Variants in GALNT11 observed in about 807,000 individuals in gnomAD.
GALNT11 encodes polypeptide N-acetylgalactosaminyltransferase 11.
A neutral mutation model predicts 72.7 loss-of-function variants in GALNT11; 47 were observed. The observed-to-expected ratio is 0.65, with a 90% CI of 0.51 to 0.82. The LOEUF (loss-of-function observed/expected upper bound fraction) is 0.82. GALNT11 is among the 40% of genes least tolerant of loss of function. GALNT11 has a pLI of 0.00. For missense variants in GALNT11, 677 were observed against 778.4 expected, an observed-to-expected ratio of 0.87 and a Z score of 1.55; for synonymous variants, 270 against 286.6, an observed-to-expected ratio of 0.94 and a Z score of 0.58.
intron 10 of GALNT11, chr7:152,119,623 C>T (rs2089235730): frequency 6.6e-6 from 1 of 152,128 alleles, no homozygotes; most frequent in Admixed American, 6.5e-5. Flanking sequence ...GCCTGTAATC[C>T]CAGCACTTTG....
At chr7:152,103,573 G>A in intron 4 of GALNT11, 1 of 298,826 alleles carries the variant, frequency 3.3e-6, no homozygotes, top group South Asian at 4.7e-5. Context: ...GACGGCCTAT[G>A]TACCTTTATC....
At position 152,084,380 on chromosome 7, in the gene GALNT11, TAAAA is replaced by T. The variant is rs11447244; in HGVS notation, c.-38-9789_-38-9786del. Among the ~76,000 whole-genome samples the T allele has an allele frequency of 5.7e-5, 6 of 105,338 alleles. No individual in the cohort carries two copies. The South Asian group carries it at 1.4e-3, about 25-fold the overall frequency. The allele number at this position is 105,338 out of a possible 152,430, so 69.1% of individuals were successfully genotyped here. ...GCAACAGAGGGAGACCCTGTCTCTT[TAAAA>T]AAAAAAAAAAAAAAAAAAAACTTTT... On this transcript the variant is annotated intron_variant, in intron 1 of 11. Coordinates refer to ENST00000430044, the MANE Select transcript of GALNT11 (RefSeq NM_022087.4).
chr7:152,050,826 G>C (rs1476900793), intron 1 of GALNT11, among the ~76,000 whole-genome samples: 1 of 152,208 alleles, frequency 6.6e-6, no homozygotes, highest in Non-Finnish European at 1.5e-5. Context: ...ATTCCCCTCT[G>C]GCTACAGCTC....
intron 1 of GALNT11, among the ~76,000 whole-genome samples, chr7:152,080,799 T>TAA (rs1227002384): frequency 2.6e-4 from 36 of 139,602 alleles, no homozygotes; most frequent in African/African-American, 8.9e-4. Context: ...CCATCTCTAA[T>TAA]AAAAAAAAAA....
Position 152,058,353 on chromosome 7 carries a change from T to G in GALNT11, c.-39+32469T>G, listed in dbSNP as rs188945140. On this transcript the variant is annotated intron_variant, in intron 1 of 11. Transcript: ENST00000430044. ...TCTTTTTGTTTTGTTTTGTTTTGTT[T>G]TGTTTTTTTGAGATGGAGTCTTGCT... Among the ~76,000 whole-genome samples the G allele has an allele frequency of 3.0e-4, 46 of 152,242 alleles. 1 individual carries two copies. Among genetic ancestry groups the G allele is most frequent in the East Asian group, 1.4e-3 (7 of 5,178 alleles).
At chr7:152,104,599 T>C (rs1276095422) in intron 4 of GALNT11, 2 of 152,234 alleles carry the variant, frequency 1.3e-5, no homozygotes, top group Non-Finnish European at 2.9e-5. Context: ...GTGGCTATTT[T>C]ACCTAAAAGG....
At chr7:152,035,658 G>A (rs754106824) in intron 1 of GALNT11, among the ~76,000 whole-genome samples, 19 of 152,196 alleles carry the variant, frequency 1.2e-4, no homozygotes, top group South Asian at 6.2e-4. Flanking sequence ...GCCCTATCCC[G>A]GAAAGCCTGA....
chr7:152,027,159 G>A (rs2082060271), intron 1 of GALNT11, among the ~76,000 whole-genome samples: 1 of 152,170 alleles, frequency 6.6e-6, no homozygotes, highest in Non-Finnish European at 1.5e-5. Flanking sequence ...TGAGGCAGGA[G>A]AATGGCGTGA....
intron 1 of GALNT11, among the ~76,000 whole-genome samples, chr7:152,078,770 A>G (rs1411256800): frequency 6.6e-6 from 1 of 152,194 alleles, no homozygotes; most frequent in Non-Finnish European, 1.5e-5. Flanking sequence ...TTACAAAATA[A>G]TTTATGTGCT....
intron 1 of GALNT11, among the ~76,000 whole-genome samples, chr7:152,091,491 C>T (rs577066427): frequency 3.9e-5 from 6 of 152,230 alleles, no homozygotes; most frequent in African/African-American, 7.2e-5. Context: ...CCGCCCACCT[C>T]GGCTTCCCAA....
intron 1 of GALNT11, among the ~76,000 whole-genome samples, chr7:152,074,086 A>G (rs544870355): frequency 6.6e-6 from 1 of 151,808 alleles, no homozygotes; most frequent in African/African-American, 2.4e-5. Flanking sequence ...CTCCCATTCT[A>G]TAGGTTGTCT....
intron 8 of GALNT11, among the ~76,000 whole-genome samples, chr7:152,114,872 C>A (rs1471087132): frequency 6.6e-6 from 1 of 152,144 alleles, no homozygotes; most frequent in Non-Finnish European, 1.5e-5. Flanking sequence ...TTGTTGTGCA[C>A]CTCCTGTATG....
In GALNT11 at chr7:152,120,987, T is replaced by C. The variant is rs1296017418; in HGVS notation, c.1695+19T>C. The C allele has an allele frequency of 2.5e-6, 4 of 1,607,016 alleles. No homozygotes were observed. Among genetic ancestry groups the C allele is most frequent in the Non-Finnish European group, 3.4e-6 (4 of 1,177,516 alleles). On this transcript the variant is annotated intron_variant, in intron 11 of 11. Transcript: ENST00000430044. ...CTTTGGGGTGAGGAGTGCTCGGTGA[T>C]GTTGGGAGAATGCGCAGAGGCCCAC...
chr7:152,113,504 T>G (rs531848590), intron 8 of GALNT11, 106 bp downstream of exon 8: 335 of 1,342,764 alleles, frequency 2.5e-4, no homozygotes, highest in Non-Finnish European at 1.1e-4. Flanking sequence ...TTCTCTTGGT[T>G]AACCTTCACC....
At chr7:152,121,401 A>C in intron 11 of GALNT11, 145 bp from the exon 12 acceptor site, 1 of 865,034 alleles carries the variant, frequency 1.2e-6, no homozygotes, top group Non-Finnish European at 1.8e-6. Context: ...TGTGCTGCAG[A>C]TAACAAACAG....
chr7:152,092,531 G>A (rs1265878568), intron 1 of GALNT11, among the ~76,000 whole-genome samples: 1 of 152,040 alleles, frequency 6.6e-6, no homozygotes, highest in Non-Finnish European at 1.5e-5. Context: ...TTTTGTTTTG[G>A]TATGTTACTG....
chr7:152,031,195 C>T (rs1024252540), intron 1 of GALNT11, among the ~76,000 whole-genome samples: 1 of 152,202 alleles, frequency 6.6e-6, no homozygotes, highest in Admixed American at 6.5e-5. Flanking sequence ...ACGGTTACGT[C>T]ACTAACTATG....
chr7:152,106,164 G>A (rs117068662), intron 5 of GALNT11, among the ~76,000 whole-genome samples: 1 of 152,358 alleles, frequency 6.6e-6, no homozygotes, highest in East Asian at 1.9e-4. Context: ...TTAGGCATGT[G>A]ATATTGCAGG....
At chr7:152,120,218 T>C (rs2129080290) in intron 10 of GALNT11, 1 of 152,590 alleles carries the variant, frequency 6.6e-6, no homozygotes. Context: ...CAGCTCCCTA[T>C]GACTCTGATT....
Sources: gnomAD v4.1 joint callset for allele counts (sites outside exome capture counted in the v4.1 genomes callset) on GRCh38, gnomAD v4.1.1 for gene constraint, MANE v1.5 for transcripts, NCBI Gene and HGNC (gene_info 2026-07-23, HGNC 2026-07-21) for gene names.